FMNL2: variants seen among roughly 807,000 people sequenced by gnomAD.
The protein encoded by FMNL2 is formin-like protein 2.
FMNL2 carries 51 observed loss-of-function variants against 130.2 expected under a neutral mutation model. That is an observed-to-expected ratio of 0.39 (90% CI 0.31 to 0.49). The LOEUF (loss-of-function observed/expected upper bound fraction) is 0.49, where lower values mean the gene tolerates loss of function less well. Ranked by LOEUF, FMNL2 falls within the 20% of genes least tolerant of loss-of-function variation. The pLI, the probability that FMNL2 is intolerant of heterozygous loss-of-function variation, is 0.85. For missense variants in FMNL2, 977 were observed against 1,316.2 expected (o/e 0.74, Z 3.99); for synonymous variants, 465 against 467.1 (o/e 1.00, Z 0.06).
chr2:152,394,134 G>A (rs961997764), intron 1 of FMNL2, among the ~76,000 whole-genome samples: 1 of 152,044 alleles, frequency 6.6e-6, no homozygotes, highest in African/African-American at 2.4e-5. Flanking sequence ...ACAGAAGTTT[G>A]AATTTCTTAC....
chr2:152,555,586 G>C (rs905505685), intron 4 of FMNL2, among the ~76,000 whole-genome samples: 1 of 139,566 alleles, frequency 7.2e-6, no homozygotes, highest in Non-Finnish European at 1.5e-5. Context: ...CAATAAAACA[G>C]TGACTGTTGG....
intron 1 of FMNL2, among the ~76,000 whole-genome samples, chr2:152,445,077 A>G (rs1385279342): frequency 6.6e-6 from 1 of 152,232 alleles, no homozygotes; most frequent in Non-Finnish European, 1.5e-5. Context: ...CTTGAATCCC[A>G]AGTTGCAGAA....
chr2:152,555,628 A>G (rs774168951), intron 4 of FMNL2, among the ~76,000 whole-genome samples: 9 of 152,158 alleles, frequency 5.9e-5, no homozygotes, highest in African/African-American at 1.9e-4. Context: ...CTTGCACCCA[A>G]TTTCTTCCAG....
chr2:152,586,108 CTG>C (rs1483232269), intron 9 of FMNL2, among the ~76,000 whole-genome samples: 1 of 152,110 alleles, frequency 6.6e-6, no homozygotes, highest in Non-Finnish European at 1.5e-5. Context: ...TCAATTATAA[CTG>C]TATTCTCATC....
At chr2:152,350,708 AT>A (rs1477084841) in intron 1 of FMNL2, among the ~76,000 whole-genome samples, 1 of 152,006 alleles carries the variant, frequency 6.6e-6, no homozygotes, top group African/African-American at 2.4e-5. Context: ...TCTTTTTTAT[AT>A]TTCCTTTACA....
chr2:152,355,310 T>C (rs1490113992), intron 1 of FMNL2, among the ~76,000 whole-genome samples: 1 of 152,234 alleles, frequency 6.6e-6, no homozygotes, highest in African/African-American at 2.4e-5. Flanking sequence ...GGGAGTTAGA[T>C]GATATCTTTT....
intron 1 of FMNL2, among the ~76,000 whole-genome samples, chr2:152,349,015 T>G (rs1036388439): frequency 2.8e-5 from 4 of 143,952 alleles, no homozygotes; most frequent in African/African-American, 8.0e-5. Flanking sequence ...TTTGTATTTT[T>G]TAGTAGAGAC....
chr2:152,628,293 C>A lies in FMNL2; in HGVS notation c.2166-6C>A. ...CTAATGCTAATCTCTCCACATCTGT[C>A]TTTAGATTTGACTTGAAGACACTGC... On this transcript the variant is annotated splice_region_variant and splice_polypyrimidine_tract_variant and intron_variant, in intron 17 of 25. Coordinates refer to ENST00000288670, the MANE Select transcript of FMNL2 (RefSeq NM_052905.4). The A allele has an allele frequency of 6.2e-7, 1 of 1,612,630 alleles. No individual in the cohort carries two copies. Among genetic ancestry groups the A allele is most frequent in the Middle Eastern group, 1.7e-4 (1 of 6,058 alleles).
At chr2:152,637,531 T>C (rs775386268) in intron 22 of FMNL2, 42 bp from the exon 23 acceptor site, 2 of 1,521,046 alleles carry the variant, frequency 1.3e-6, no homozygotes, top group Non-Finnish European at 1.8e-6. Context: ...CCAGTTCAAA[T>C]GCCTAACTAA....
At chr2:152,615,391 T>C (rs1426597733) in intron 12 of FMNL2, among the ~76,000 whole-genome samples, 1 of 152,172 alleles carries the variant, frequency 6.6e-6, no homozygotes, top group Non-Finnish European at 1.5e-5. Flanking sequence ...CACAAACCCA[T>C]GGACAGGATT....
chr2:152,528,610 T>A (rs144860571), intron 2 of FMNL2, among the ~76,000 whole-genome samples: 1 of 152,318 alleles, frequency 6.6e-6, no homozygotes, highest in African/African-American at 2.4e-5. Context: ...TGATCACATC[T>A]TGAGATCCTT....
At chr2:152,344,368 A>C (rs1681990426) in intron 1 of FMNL2, among the ~76,000 whole-genome samples, 1 of 152,152 alleles carries the variant, frequency 6.6e-6, no homozygotes, top group Non-Finnish European at 1.5e-5. Context: ...TATGAGTTAA[A>C]ACCAGCAGAA....
At chr2:152,503,961 G>A (rs978314856) in intron 1 of FMNL2, among the ~76,000 whole-genome samples, 7 of 152,136 alleles carry the variant, frequency 4.6e-5, no homozygotes, top group Non-Finnish European at 1.0e-4. Context: ...AGGCCGAGGC[G>A]GGTGGGTCAC....
rs747822120 is a variant in FMNL2 at position 152,628,359 on chromosome 2, T to A, written c.2226T>A (p.Thr742=). 1 of 1,614,058 alleles carries A rather than the reference T, an allele frequency of 6.2e-7. No individual in the cohort carries two copies. The highest frequency in any genetic ancestry group is 8.5e-7 in the Non-Finnish European group (1 of 1,179,896). ...AATGCTTGATGCGGTTCCTACCAACTGAGAATGAAGTGAAAGTGCTTCGGC... is the reference window on the plus strand; with the variant it reads ...AATGCTTGATGCGGTTCCTACCAACAGAGAATGAAGTGAAAGTGCTTCGGC... ...FVECLMRFLP[T]ENEVKVLRLY... is the part of the protein sequence containing the mutation. The change falls in exon 18 of 26, where the codon ACT becomes ACA. Residue 742 remains threonine, a synonymous_variant. Coordinates refer to ENST00000288670, the MANE Select transcript of FMNL2 (RefSeq NM_052905.4).
rs576879381 is a variant in FMNL2, at chr2:152,617,659, G to A, written c.1314+467G>A. On this transcript the variant is annotated intron_variant, in intron 13 of 25. Transcript: ENST00000288670. Reference sequence around the variant, plus strand: ...GGCTTAATGGCATTCACCAAAAAAAGGGAGGGGATGTGCAAAGCAAACCCA... The same window carrying A: ...GGCTTAATGGCATTCACCAAAAAAAAGGAGGGGATGTGCAAAGCAAACCCA... Among the ~76,000 whole-genome samples the A allele has an allele frequency of 2.0e-5, 3 of 148,714 alleles. 1 individual carries two copies. The South Asian group carries it at 6.6e-4, about 33-fold the overall frequency.
intron 1 of FMNL2, among the ~76,000 whole-genome samples, chr2:152,446,826 C>A (rs1688365022): frequency 2.0e-5 from 3 of 152,270 alleles, no homozygotes; most frequent in Admixed American, 1.3e-4. Flanking sequence ...TTATAGATAT[C>A]TCTTCTTAAC....
At chr2:152,388,779 C>G (rs548352202) in intron 1 of FMNL2, among the ~76,000 whole-genome samples, 1 of 152,278 alleles carries the variant, frequency 6.6e-6, no homozygotes, top group African/African-American at 2.4e-5. Context: ...GTTAGTGTCT[C>G]TTTTTAAGAG....
At chr2:152,608,001 C>T (rs567416478) in intron 10 of FMNL2, among the ~76,000 whole-genome samples, 148 of 152,224 alleles carry the variant, frequency 9.7e-4, no homozygotes, top group African/African-American at 3.5e-3. Context: ...CACAGCAGTC[C>T]TGTCATTCTC....
chr2:152,555,559 A>G (rs938497185), intron 4 of FMNL2, among the ~76,000 whole-genome samples: 4 of 151,290 alleles, frequency 2.6e-5, no homozygotes, highest in Non-Finnish European at 5.9e-5. Flanking sequence ...ATTTGATATT[A>G]AGCTGTGACC....
Sources: gnomAD v4.1 joint callset for allele counts (sites outside exome capture counted in the v4.1 genomes callset) on GRCh38, gnomAD v4.1.1 for gene constraint, MANE v1.5 for transcripts, NCBI Gene and HGNC (gene_info 2026-07-23, HGNC 2026-07-21) for gene names.